CCDC171: variants seen among roughly 807,000 people sequenced by gnomAD.
CCDC171 encodes the protein coiled-coil domain containing 171, also known as coiled-coil domain-containing protein 171.
Under a neutral mutation model 168.2 loss-of-function variants are expected in CCDC171, and 177 were observed. The ratio of observed to expected loss-of-function variants is 1.05; its 90% CI spans 0.93 to 1.19. The LOEUF is 1.19. Among genes scored for constraint, CCDC171 ranks in the 50% most tolerant of loss-of-function variants. CCDC171 has a pLI of 0.00. For missense variants in CCDC171, 1,991 were observed against 1,539.0 expected, an observed-to-expected ratio of 1.29 and a Z score of -4.91; for synonymous variants, 687 against 540.8, an observed-to-expected ratio of 1.27 and a Z score of -3.75.
intron 13 of CCDC171, 58 bp downstream of exon 13, chr9:15,723,804 G>A (rs2053638837): frequency 1.1e-5 from 9 of 837,818 alleles, no homozygotes; most frequent in Non-Finnish European, 1.7e-5. Context: ...GTTATCTAGG[G>A]AATATTTTAA....
intron 21 of CCDC171, among the ~76,000 whole-genome samples, chr9:15,808,618 G>A (rs1189388156): frequency 1.3e-5 from 2 of 152,156 alleles, no homozygotes; most frequent in East Asian, 1.9e-4. Context: ...TGATTTCAGA[G>A]AGCAGGGTGC....
chr9:15,784,313 A>T (rs2057822666), intron 20 of CCDC171, among the ~76,000 whole-genome samples, 196 bp from the exon 21 acceptor site: 1 of 152,206 alleles, frequency 6.6e-6, no homozygotes, highest in African/African-American at 2.4e-5. Context: ...ATGATAACTA[A>T]GTGTGGCTGT....
chr9:15,570,565 G>C (rs965660393), intron 2 of CCDC171, among the ~76,000 whole-genome samples: 1 of 152,152 alleles, frequency 6.6e-6, no homozygotes, highest in African/African-American at 2.4e-5. Context: ...AAGATGACTG[G>C]AAGCTCAGTG....
chr9:16,025,082 A>G (rs993524402), intron 6 of CCDC171, among the ~76,000 whole-genome samples: 4 of 152,228 alleles, frequency 2.6e-5, no homozygotes, highest in African/African-American at 7.2e-5. Context: ...TAGAATAACC[A>G]TATGACCCAG....
At chr9:15,575,157 CTT>C (rs57272096) in intron 3 of CCDC171, among the ~76,000 whole-genome samples, 6,350 of 86,786 alleles carry the variant, frequency 0.073, 226 homozygotes, top group African/African-American at 0.15. Context: ...GACATAACTA[CTT>C]TTTTTTTTTT....
intron 21 of CCDC171, among the ~76,000 whole-genome samples, chr9:15,836,492 A>T (rs564555873): frequency 3.4e-4 from 52 of 152,054 alleles, no homozygotes; most frequent in African/African-American, 1.2e-3. Flanking sequence ...CAGCCTCCCG[A>T]GTAGCTGGGA....
At chr9:15,597,173 C>T (rs1248946701) in intron 6 of CCDC171, among the ~76,000 whole-genome samples, 1 of 152,010 alleles carries the variant, frequency 6.6e-6, no homozygotes, top group African/African-American at 2.4e-5. Flanking sequence ...CCAGAACTTC[C>T]AACACTATGT....
intron 21 of CCDC171, among the ~76,000 whole-genome samples, chr9:15,834,133 T>C (rs888810753): frequency 6.6e-6 from 1 of 152,186 alleles, no homozygotes; most frequent in Non-Finnish European, 1.5e-5. Flanking sequence ...TTGTTCACTT[T>C]TTGATCATGA....
intron 18 of CCDC171, among the ~76,000 whole-genome samples, chr9:15,767,440 T>G (rs1308036388): frequency 6.6e-6 from 1 of 152,202 alleles, no homozygotes; most frequent in Non-Finnish European, 1.5e-5. Flanking sequence ...TTATGTTGGG[T>G]CTACTTGAAT....
Position 15,972,109 on chromosome 9 carries a change from C to A in CCDC171, c.*273C>A. On this transcript the variant is annotated 3_prime_UTR_variant, in exon 26 of 26. Transcript: ENST00000380701. ...GAATGACACATTTTGGGTAATTTCC[C>A]TCAGACTTAAAAAAATCAATAAGCC... is the stretch of plus-strand genomic sequence containing the variant. The A allele has an allele frequency of 2.5e-6, 1 of 402,094 alleles. No homozygotes were observed. The highest frequency in any genetic ancestry group is 3.9e-5 in the South Asian group (1 of 25,672). 24.9% of individuals were successfully genotyped at this position (402,094 alleles called of 1,614,324 possible). A position where few individuals can be genotyped will look rare whatever the true frequency, so the allele number is the denominator to read the frequency against.
chr9:15,815,552 A>G (rs1339953310), intron 21 of CCDC171, among the ~76,000 whole-genome samples: 1 of 113,600 alleles, frequency 8.8e-6, no homozygotes, highest in African/African-American at 3.3e-5. Context: ...CCCAACGTTT[A>G]TATTATTAAT....
chr9:15,619,314 C>T (rs1262114505), intron 6 of CCDC171, among the ~76,000 whole-genome samples: 1 of 152,154 alleles, frequency 6.6e-6, no homozygotes, highest in East Asian at 1.9e-4. Flanking sequence ...TAGTGCCGAA[C>T]AGCCAAGTTG....
chr9:15,909,401 TAC>T (rs57910855), intron 24 of CCDC171, among the ~76,000 whole-genome samples: 28,316 of 140,726 alleles, frequency 0.2, 2,850 homozygotes, highest in African/African-American at 0.29. Context: ...TACATGTGCG[TAC>T]ACACACACAC....
chr9:15,970,655 C>T (rs1198175511), intron 25 of CCDC171, among the ~76,000 whole-genome samples: 1 of 152,128 alleles, frequency 6.6e-6, no homozygotes, highest in African/African-American at 2.4e-5. Context: ...AATATTAATT[C>T]TACTGTCCAG....
intron 3 of CCDC171, among the ~76,000 whole-genome samples, chr9:15,980,053 C>T (rs1018176801): frequency 6.6e-6 from 1 of 151,870 alleles, no homozygotes; most frequent in East Asian, 1.9e-4. Flanking sequence ...TTTGGCAAAA[C>T]TTAATAAGGA....
intron 1 of CCDC171, among the ~76,000 whole-genome samples, chr9:15,559,924 C>G (rs2039138833): frequency 6.6e-6 from 1 of 152,000 alleles, no homozygotes; most frequent in African/African-American, 2.4e-5. Context: ...TAAGGCAGGC[C>G]TGGTGGTGAC....
At chr9:15,807,901 C>G (rs552700505) in intron 21 of CCDC171, among the ~76,000 whole-genome samples, 1 of 151,394 alleles carries the variant, frequency 6.6e-6, no homozygotes, top group Non-Finnish European at 1.5e-5. Flanking sequence ...GGAAGAAAGC[C>G]AGATGATTTT....
At chr9:15,663,459 C>G (rs924734883) in intron 8 of CCDC171, among the ~76,000 whole-genome samples, 2 of 151,956 alleles carry the variant, frequency 1.3e-5, no homozygotes, top group African/African-American at 4.8e-5. Context: ...TACCCTCCTG[C>G]CTGCTTATTT....
the CCDC171 span, among the ~76,000 whole-genome samples, chr9:16,083,796 T>C: frequency 1.3e-5 from 2 of 152,184 alleles, no homozygotes; most frequent in African/African-American, 2.4e-5. Context: ...ATCTAAGAGA[T>C]ATTATTTTGT....
Sources: gnomAD v4.1 joint callset for allele counts (sites outside exome capture counted in the v4.1 genomes callset) on GRCh38, gnomAD v4.1.1 for gene constraint, MANE v1.5 for transcripts, NCBI Gene and HGNC (gene_info 2026-07-23, HGNC 2026-07-21) for gene names.